Variants in FANCI observed in about 807,000 individuals in gnomAD.
The protein encoded by FANCI is FA complementation group I.
Under a neutral mutation model 176.1 loss-of-function variants are expected in FANCI, and 156 were observed. The ratio of observed to expected loss-of-function variants is 0.89; its 90% CI spans 0.78 to 1.01. FANCI has a LOEUF of 1.01. FANCI is among the 50% of genes least tolerant of loss of function. FANCI has a pLI of 0.00. For missense variants in FANCI, 1,678 were observed against 1,534.1 expected (o/e 1.09, Z -1.57); for synonymous variants, 613 against 541.7 (o/e 1.13, Z -1.83).
rs574154974 is a variant in FANCI at position 89,261,863 on chromosome 15, C to T, written c.488C>T (p.Thr163Ile). 2 of 1,613,854 alleles carry T rather than the reference C, an allele frequency of 1.2e-6. No individual in the cohort carries two copies. Among genetic ancestry groups the T allele is most frequent in the African/African-American group, 1.3e-5 (1 of 74,878 alleles). ...GAATGTAAGAAACAGTTGATTAACACCCTGTGTTCTGGCAGGTGAGTCTTG... is the reference window on the plus strand; with the variant it reads ...GAATGTAAGAAACAGTTGATTAACATCCTGTGTTCTGGCAGGTGAGTCTTG... ...GEECKKQLIN[T>I]LCSGRWDQQY... Residue 163 changes from threonine (T) to isoleucine (I), a missense_variant, in exon 6 of 38, where the codon ACC becomes ATC. Physicochemically the swap from Thr to Ile is moderately conservative, Grantham distance 89 (BLOSUM62 -1). Coordinates refer to ENST00000310775, the MANE Select transcript of FANCI (RefSeq NM_001113378.2).
intron 6 of FANCI, 133 bp downstream of exon 6, chr15:89,262,011 T>C: frequency 1.3e-6 from 1 of 752,162 alleles, no homozygotes; most frequent in East Asian, 2.7e-5. Flanking sequence ...ACTATAAAAC[T>C]ATTTAGTCTG....
chr15:89,312,994 T>A lies in FANCI; in HGVS notation c.3720+22T>A, dbSNP rs772081097. 4.3e-6 allele frequency: 7 copies of A among 1,611,570 alleles called. No individual in the cohort carries two copies. In the South Asian group the frequency reaches 4.4e-5, roughly 10 times the overall value. ...CATGGTAAGCTGCTGACACTGACCG[T>A]TAAAATATGCTTGTTGGTGAACCCG... On this transcript the variant is annotated intron_variant, in intron 35 of 37. Coordinates refer to ENST00000310775, the MANE Select transcript of FANCI (RefSeq NM_001113378.2).
rs1343756786 is a variant in FANCI at position 89,286,796 on chromosome 15, G to A, written c.1821+1578G>A. On this transcript the variant is annotated intron_variant, in intron 18 of 37. Coordinates refer to ENST00000310775, the MANE Select transcript of FANCI (RefSeq NM_001113378.2). ...ACAGTCAGCCTGTCCTTTGAAGCCAGGCATTGACTTCTCCTCCCTAGCTAG... is the reference window on the plus strand; with the variant it reads ...ACAGTCAGCCTGTCCTTTGAAGCCAAGCATTGACTTCTCCTCCCTAGCTAG... Among the ~76,000 whole-genome samples the A allele has an allele frequency of 2.6e-5, 4 of 152,160 alleles. No homozygotes were observed. In the East Asian group the frequency reaches 7.7e-4, roughly 29 times the overall value.
chr15:89,292,171 G>A (rs1243601351), intron 20 of FANCI, among the ~76,000 whole-genome samples: 5 of 152,168 alleles, frequency 3.3e-5, no homozygotes, highest in African/African-American at 9.7e-5. Flanking sequence ...GAAGGACAGC[G>A]AAGAGGATAA....
chr15:89,268,495 A>T lies in FANCI; in HGVS notation c.852A>T (p.Glu284Asp). ...TGTTTGCCATCAAATTGGACTATGA[A>T]CTAGGCAGAGAACTCGTGAAACACT... Reference protein sequence around the residue: ...HIVFAIKLDYELGRELVKHLK... With the variant: ...HIVFAIKLDYDLGRELVKHLK... Residue 284 changes from glutamate to aspartate, a missense_variant, in exon 10 of 38, where the codon GAA becomes GAT. Physicochemically the swap from Glu to Asp is conservative, Grantham distance 45 (BLOSUM62 2). Coordinates refer to ENST00000310775, the MANE Select transcript of FANCI (RefSeq NM_001113378.2). 6.2e-7 allele frequency: 1 copy of T among 1,614,192 alleles called. No individual in the cohort carries two copies. Among genetic ancestry groups the T allele is most frequent in the Non-Finnish European group, 8.5e-7 (1 of 1,180,024 alleles).
Position 89,290,285 on chromosome 15 carries a change from A to C in FANCI, c.1890+4A>C. The C allele has an allele frequency of 1.9e-6, 3 of 1,610,106 alleles. No homozygotes were observed. The highest frequency in any genetic ancestry group is 1.7e-6 in the Non-Finnish European group (2 of 1,176,354). On this transcript the variant is annotated splice_donor_region_variant and intron_variant, in intron 19 of 37. Transcript: ENST00000310775. ...CATGCAAACTCTGCTCTCACAGGTA[A>C]AATACATTTTTATGGATATATGGAA... is the stretch of plus-strand genomic sequence containing the variant.
At chr15:89,274,599 C>CTTTTTTTTTTTTTTTTT (rs1157910630) in intron 12 of FANCI, among the ~76,000 whole-genome samples, 4 of 82,814 alleles carry the variant, frequency 4.8e-5, no homozygotes, top group African/African-American at 5.2e-5. Context: ...TCTTTCTTTC[C>CTTTTTTTTTTTTTTTTT]TTTTTTTTTT....
chr15:89,269,400 T>C (rs2053110371), intron 10 of FANCI, among the ~76,000 whole-genome samples: 1 of 152,138 alleles, frequency 6.6e-6, no homozygotes, highest in Admixed American at 6.5e-5. Flanking sequence ...CTTTTGCAGC[T>C]GTGTTTTTTT....
chr15:89,288,950 T>C (rs988324259), intron 18 of FANCI, among the ~76,000 whole-genome samples: 1 of 152,000 alleles, frequency 6.6e-6, no homozygotes, highest in African/African-American at 2.4e-5. Context: ...CCATCTTTAT[T>C]ATTATTTTAT....
intron 2 of FANCI, among the ~76,000 whole-genome samples, chr15:89,252,915 A>G (rs925552590): frequency 1.3e-5 from 2 of 152,248 alleles, no homozygotes; most frequent in African/African-American, 4.8e-5. Flanking sequence ...ATTTAATACC[A>G]GTAAAAATCC....
intron 37 of FANCI, chr15:89,316,183 C>G: frequency 5.1e-6 from 3 of 590,728 alleles, no homozygotes; most frequent in South Asian, 2.0e-5. Flanking sequence ...AGCAAAAGTC[C>G]TAAAAGGAGG....
chr15:89,284,937 C>G (rs1201018335), intron 17 of FANCI, among the ~76,000 whole-genome samples, 159 bp from the exon 18 acceptor site: 1 of 152,194 alleles, frequency 6.6e-6, no homozygotes, highest in Non-Finnish European at 1.5e-5. Context: ...AAGAGTGACA[C>G]TTACTACTGC....
intron 29 of FANCI, 45 bp downstream of exon 29, chr15:89,305,287 G>A: frequency 6.2e-7 from 1 of 1,614,138 alleles, no homozygotes; most frequent in South Asian, 1.1e-5. Flanking sequence ...TGGGGATGGG[G>A]GTCAAGGGAA....
chr15:89,269,780 G>A (rs886494801), intron 10 of FANCI, among the ~76,000 whole-genome samples: 4 of 151,158 alleles, frequency 2.6e-5, no homozygotes, highest in East Asian at 1.9e-4. Flanking sequence ...ATTTTATTCC[G>A]TTTTTATATT....
chr15:89,293,808 G>C, intron 22 of FANCI, 25 bp from the exon 23 acceptor site: 1 of 1,610,238 alleles, frequency 6.2e-7, no homozygotes, highest in Non-Finnish European at 8.5e-7. Flanking sequence ...TTTGTCCTTA[G>C]CGGTCTCTTT....
intron 17 of FANCI, 67 bp downstream of exon 17, chr15:89,283,317 T>G (rs2053688045): frequency 6.2e-7 from 1 of 1,606,142 alleles, no homozygotes; most frequent in African/African-American, 1.3e-5. Flanking sequence ...AAATGCACGC[T>G]GTTTTCTTTT....
rs2052679886 is a variant in FANCI, at chr15:89,260,759, A to G, written c.204A>G (p.Ile68Met). 2 of 1,614,082 alleles carry G rather than the reference A, an allele frequency of 1.2e-6. No individual in the cohort carries two copies. Among genetic ancestry groups the G allele is most frequent in the Non-Finnish European group, 1.7e-6 (2 of 1,179,950 alleles). ...EEAGTLRRRK[I>M]YTCCIQLVES... Reference sequence around the variant, plus strand: ...CTGGAACACTTAGGAGACGTAAGATATACACTTGTTGTATCCAGTTGGTGG... The same window carrying G: ...CTGGAACACTTAGGAGACGTAAGATGTACACTTGTTGTATCCAGTTGGTGG... The change falls in exon 4 of 38, where the codon ATA (isoleucine) becomes ATG (methionine). Residue 68 changes from isoleucine to methionine, a missense_variant. Coordinates refer to ENST00000310775, the MANE Select transcript of FANCI (RefSeq NM_001113378.2).
intron 19 of FANCI, among the ~76,000 whole-genome samples, chr15:89,291,363 A>G (rs1203541369): frequency 1.3e-5 from 2 of 152,164 alleles, no homozygotes; most frequent in African/African-American, 4.8e-5. Context: ...GAAAATGTTG[A>G]TTGCATGTAC....
chr15:89,262,519 T>G (rs115614935), intron 6 of FANCI, among the ~76,000 whole-genome samples: 1,731 of 152,278 alleles, frequency 0.011, 29 homozygotes, highest in African/African-American at 0.039. Context: ...AACCATATAA[T>G]TAACAAAGAG....
Sources: gnomAD v4.1 joint callset for allele counts (sites outside exome capture counted in the v4.1 genomes callset) on GRCh38, gnomAD v4.1.1 for gene constraint, MANE v1.5 for transcripts, NCBI Gene and HGNC (gene_info 2026-07-23, HGNC 2026-07-21) for gene names.